Variants in CADPS observed in about 807,000 individuals in gnomAD.
The protein encoded by CADPS is calcium dependent secretion activator.
A neutral mutation model predicts 167.3 loss-of-function variants in CADPS; 57 were observed. The ratio of observed to expected loss-of-function variants is 0.34; its 90% CI spans 0.28 to 0.42. The LOEUF is 0.42. Among genes scored for constraint, CADPS ranks in the 20% least tolerant of loss-of-function variants. CADPS has a pLI of 1.00. For missense variants in CADPS, 1,414 were observed against 1,738.1 expected (o/e 0.81, Z 3.32); for synonymous variants, 676 against 635.3 (o/e 1.06, Z -0.96).
At chr3:62,481,182 G>C (rs1352710579) in intron 22 of CADPS, among the ~76,000 whole-genome samples, 1 of 152,132 alleles carries the variant, frequency 6.6e-6, no homozygotes, top group African/African-American at 2.4e-5. Context: ...ATGTGACTAA[G>C]GCTTGATCCA....
intron 17 of CADPS, among the ~76,000 whole-genome samples, chr3:62,509,307 A>AAAAT (rs2067288544): frequency 8.3e-6 from 1 of 120,040 alleles, no homozygotes; most frequent in Non-Finnish European, 1.7e-5. Context: ...AAAAAAAAAA[A>AAAAT]GAAAGAAAGA....
chr3:62,681,447 A>G (rs1563774016), intron 3 of CADPS, among the ~76,000 whole-genome samples: 1 of 151,724 alleles, frequency 6.6e-6, no homozygotes, highest in Non-Finnish European at 1.5e-5. Flanking sequence ...TTAAAGTTTC[A>G]ATAAACAGTA....
chr3:62,563,896 A>G (rs1025984184), intron 9 of CADPS, among the ~76,000 whole-genome samples: 1 of 152,214 alleles, frequency 6.6e-6, no homozygotes, highest in Non-Finnish European at 1.5e-5. Flanking sequence ...GATGAGTAGT[A>G]TTCCATCATA....
intron 1 of CADPS, among the ~76,000 whole-genome samples, chr3:62,834,296 T>C (rs2075581267): frequency 6.6e-6 from 1 of 152,142 alleles, no homozygotes; most frequent in African/African-American, 2.4e-5. Context: ...TGGGACAAGC[T>C]GGTGGCTTTC....
At chr3:62,407,135 A>ACATCATCAT (rs79885636) in intron 28 of CADPS, among the ~76,000 whole-genome samples, 4,392 of 151,214 alleles carry the variant, frequency 0.029, 111 homozygotes, top group Middle Eastern at 0.078. Flanking sequence ...ACTGCAATCA[A>ACATCATCAT]CATCATCATC....
At chr3:62,844,712 T>C (rs377445839) in intron 1 of CADPS, among the ~76,000 whole-genome samples, 17 of 152,184 alleles carry the variant, frequency 1.1e-4, no homozygotes, top group East Asian at 1.9e-4. Flanking sequence ...AACACACTAA[T>C]GCGATTGGGA....
rs1353505739 is a variant in CADPS, at chr3:62,602,360, T to C, written c.1326-9612A>G. Among the ~76,000 whole-genome samples the C allele has an allele frequency of 6.6e-6, 1 of 152,128 alleles. No homozygotes were observed. Among genetic ancestry groups the C allele is most frequent in the African/African-American group, 2.4e-5 (1 of 41,438 alleles). The stretch of plus-strand genomic sequence containing the variant: ...AGACTGGATTTGCATTTATTCAAGG[T>C]ATACGGCTCATGTGAACTGGGTGTT... On this transcript the variant is annotated intron_variant, in intron 6 of 29. Transcript: ENST00000383710. The surrounding 1 kb of genome is among the most constrained non-coding windows in gnomAD (Gnocchi z 4.4).
intron 2 of CADPS, among the ~76,000 whole-genome samples, chr3:62,756,185 T>A (rs2083865530): frequency 6.6e-6 from 1 of 152,058 alleles, no homozygotes; most frequent in Admixed American, 6.6e-5. Context: ...CCCAAGTAGA[T>A]GGGATTACAG....
At chr3:62,585,957 G>A (rs2084520503) in intron 7 of CADPS, among the ~76,000 whole-genome samples, 1 of 152,206 alleles carries the variant, frequency 6.6e-6, no homozygotes, top group African/African-American at 2.4e-5. Flanking sequence ...CTTAGGAAAT[G>A]CCTTTCATCA....
intron 26 of CADPS, among the ~76,000 whole-genome samples, chr3:62,461,217 C>T (rs984335496): frequency 6.6e-6 from 1 of 152,196 alleles, no homozygotes; most frequent in Non-Finnish European, 1.5e-5. Flanking sequence ...TAGCTTTGTG[C>T]CAGGCACTTA....
At chr3:62,857,165 CAG>C (rs1282537953) in intron 1 of CADPS, among the ~76,000 whole-genome samples, 1 of 151,818 alleles carries the variant, frequency 6.6e-6, no homozygotes, top group African/African-American at 2.4e-5. Flanking sequence ...TGGAAGGTAA[CAG>C]AATTTGTGAA....
At chr3:62,681,469 AAAG>A (rs145920280) in intron 3 of CADPS, among the ~76,000 whole-genome samples, 12,045 of 152,072 alleles carry the variant, frequency 0.079, 624 homozygotes, top group Non-Finnish European at 0.12. Context: ...TAGTGGAAAG[AAAG>A]AAGAAAATGG....
rs574598778 is a variant in CADPS, at chr3:62,757,547, C to T, written c.556-3774G>A. ...GAGCGAGACTATGTCTGGATTGGGG[C>T]GAGAAGGTCAACGGGAAACCAGCAC... On this transcript the variant is annotated intron_variant, in intron 2 of 29. Transcript: ENST00000383710. Among the ~76,000 whole-genome samples, 7 of 152,102 alleles carry T rather than the reference C, an allele frequency of 4.6e-5. No homozygotes were observed. The South Asian group carries it at 8.3e-4, about 18-fold the overall frequency.
At chr3:62,606,914 C>T (rs1408268133) in intron 6 of CADPS, among the ~76,000 whole-genome samples, 1 of 152,236 alleles carries the variant, frequency 6.6e-6, no homozygotes, top group Non-Finnish European at 1.5e-5. Context: ...GAACTGAAAG[C>T]AGAGCCATTC....
At chr3:62,626,384 C>A in intron 6 of CADPS, 1 of 545,526 alleles carries the variant, frequency 1.8e-6, no homozygotes, top group Non-Finnish European at 3.3e-6. Context: ...CTAGGAAAAA[C>A]ACCCAAAAGG....
At chr3:62,855,091 A>ATTTTTTTCT (rs2079405853) in intron 1 of CADPS, among the ~76,000 whole-genome samples, 1 of 92,702 alleles carries the variant, frequency 1.1e-5, no homozygotes, top group African/African-American at 3.5e-5. Context: ...TGCCCGGCTA[A>ATTTTTTTCT]TTTTTTTTTT....
chr3:62,754,603 C>G (rs1410341550), intron 2 of CADPS, among the ~76,000 whole-genome samples: 2 of 152,200 alleles, frequency 1.3e-5, no homozygotes, highest in Non-Finnish European at 1.5e-5. Context: ...ATCCTCCTGC[C>G]TCAGCCCCTC....
intron 1 of CADPS, among the ~76,000 whole-genome samples, chr3:62,859,958 T>A (rs2080462164): frequency 6.6e-6 from 1 of 152,198 alleles, no homozygotes; most frequent in Admixed American, 6.5e-5. Flanking sequence ...TTAGTGTTAT[T>A]TCCACTGGAG....
chr3:62,482,879 C>G (rs764525110), intron 21 of CADPS, among the ~76,000 whole-genome samples: 8 of 152,144 alleles, frequency 5.3e-5, no homozygotes, highest in Non-Finnish European at 1.2e-4. Context: ...TCATACCAGC[C>G]TTTTGTTTTT....
Sources: allele counts gnomAD v4.1 joint callset (sites outside exome capture counted in the v4.1 genomes callset), GRCh38; gene constraint gnomAD v4.1.1; non-coding constraint Gnocchi (gnomAD v3.1); transcripts MANE v1.5; gene names NCBI Gene and HGNC (gene_info 2026-07-23, HGNC 2026-07-21).